Variants in SWSAP1 observed in about 807,000 individuals in gnomAD.
SWSAP1 encodes the protein ATPase SWSAP1.
Under a neutral mutation model 5.6 loss-of-function variants are expected in SWSAP1, and 4 were observed. The observed-to-expected ratio is 0.72, with a 90% CI of 0.35 to 1.64. The LOEUF is 1.64. SWSAP1 is among the 40% of genes most tolerant of loss of function. The probability of loss-of-function intolerance (pLI) is 0.05; values close to 1 mark genes in which losing one functional copy is unlikely to be tolerated. For synonymous variants in SWSAP1, 139 were observed against 143.3 expected (o/e 0.97, Z 0.22); for missense variants, 354 against 319.8 (o/e 1.11, Z -0.82).
chr19:11,375,889 G>C lies in SWSAP1; in HGVS notation c.626G>C (p.Gly209Ala). 2 of 1,614,112 alleles carry C rather than the reference G, an allele frequency of 1.2e-6. No homozygotes were observed. The highest frequency in any genetic ancestry group is 8.5e-7 in the Non-Finnish European group (1 of 1,180,014). Residue 209 changes from glycine (G) to alanine (A), a missense_variant, in exon 2 of 2, where the codon GGG becomes GCG. Coordinates refer to ENST00000674460, the MANE Select transcript of SWSAP1 (RefSeq NM_175871.4). The stretch of plus-strand genomic sequence containing the variant: ...CTCCGAGCCTGCCTGGAGCCAGGCG[G>C]GCTGGGCCCCAGAACAGAGTGGTGG... ...HGLRACLEPGGLGPRTEWWVT... is the reference protein window; with the variant it reads ...HGLRACLEPGALGPRTEWWVT...
At chr19:11,375,474 G>T in intron 1 of SWSAP1, 39 bp from the exon 2 acceptor site, 1 of 1,567,132 alleles carries the variant, frequency 6.4e-7, no homozygotes, top group Non-Finnish European at 8.6e-7. Context: ...CTGGCTTCCT[G>T]TGCTGAATCC....
intron 1 of SWSAP1, 94 bp downstream of exon 1, chr19:11,375,023 G>A (rs1331846622): frequency 1.8e-5 from 27 of 1,522,950 alleles, no homozygotes; most frequent in African/African-American, 2.8e-5. Flanking sequence ...GGAGAGGACG[G>A]TGGAAGAGCG....
Position 11,374,757 on chromosome 19 carries a change from G to A in SWSAP1, c.77G>A (p.Gly26Glu), listed in dbSNP as rs1968255428. Residue 26 changes from glycine to glutamate, a missense_variant, in exon 1 of 2, where the codon GGA (glycine) becomes GAA (glutamate). Gly to Glu is a moderately conservative substitution (Grantham distance 98). Coordinates refer to ENST00000674460, the MANE Select transcript of SWSAP1 (RefSeq NM_175871.4). Reference sequence around the variant, plus strand: ...GGGGAGGAGAACATGCCTGCCGCCGGACCGCCTTTGCTGCTGCTCGGTACA... The same window carrying A: ...GGGGAGGAGAACATGCCTGCCGCCGAACCGCCTTTGCTGCTGCTCGGTACA... The part of the protein sequence containing the change: ...WSGEENMPAA[G>E]PPLLLLGTPG... 5 of 1,610,756 alleles carry A rather than the reference G, an allele frequency of 3.1e-6. No individual in the cohort carries two copies. Among genetic ancestry groups the A allele is most frequent in the Middle Eastern group, 1.8e-4 (1 of 5,418 alleles).
In SWSAP1 at chr19:11,375,861, G is replaced by A; in HGVS notation, c.598G>A (p.Gly200Ser). 1.2e-6 allele frequency: 2 copies of A among 1,614,114 alleles called. No homozygotes were observed. ...AGATGCACCAGGTCCAGGAGAGCAC[G>A]GCCTCCGAGCCTGCCTGGAGCCAGG... ...QPDAPGPGEH[G>S]LRACLEPGGL... Residue 200 changes from glycine (G) to serine (S), a missense_variant, in exon 2 of 2, where the codon GGC becomes AGC. Transcript: ENST00000674460.
chr19:11,375,998 C>A lies in SWSAP1; in HGVS notation c.735C>A (p.Ser245Arg), dbSNP rs759562597. The change falls in exon 2 of 2, where the codon AGC (serine) becomes AGA (arginine). Residue 245 changes from serine (S) to arginine (R), a missense_variant. Transcript: ENST00000674460. The stretch of plus-strand genomic sequence containing the variant: ...ACCCCAGCTCAGGCAAGGGTTCAAG[C>A]TCTGGAGGCCAGCCCTGAGCTTTGG... ...AGDPSSGKGS[S>R]SGGQP 6.2e-7 allele frequency: 1 copy of A among 1,602,874 alleles called. No homozygotes were observed. The highest frequency in any genetic ancestry group is 1.7e-5 in the Admixed American group (1 of 59,294).
rs770611172 is a variant in SWSAP1, at chr19:11,374,848, C to G, written c.168C>G (p.Gly56=). ...TAGAGGCGGCGGGGGAGGGCCAAGG[C>G]CCAGTCCTCTTCCTGACACGAAGGC... ...AALEAAGEGQ[G]PVLFLTRRPL... is the part of the protein sequence containing the mutation. Residue 56 remains glycine (G), a synonymous_variant, in exon 1 of 2, where the codon GGC becomes GGG. Transcript: ENST00000674460. 6.2e-7 allele frequency: 1 copy of G among 1,613,968 alleles called. No homozygotes were observed. Among genetic ancestry groups the G allele is most frequent in the Admixed American group, 1.7e-5 (1 of 60,016 alleles).
chr19:11,375,001 A>G, intron 1 of SWSAP1, 72 bp downstream of exon 1: 2 of 1,576,582 alleles, frequency 1.3e-6, no homozygotes, highest in African/African-American at 2.7e-5. Context: ...AGTAACAGGT[A>G]GACAAGCCAA....
intron 1 of SWSAP1, 65 bp from the exon 2 acceptor site, chr19:11,375,448 G>T: frequency 6.5e-7 from 1 of 1,531,950 alleles, no homozygotes; most frequent in Non-Finnish European, 8.8e-7. Flanking sequence ...AGGAGGCAGG[G>T]TTACTTTTAA....
At chr19:11,375,089 A>T (rs1176403458) in intron 1 of SWSAP1, among the ~76,000 whole-genome samples, 160 bp downstream of exon 1, 1 of 152,146 alleles carries the variant, frequency 6.6e-6, no homozygotes, top group African/African-American at 2.4e-5. Flanking sequence ...GAGTGGCACC[A>T]CGCGGAGCTT....
Position 11,375,361 on chromosome 19 carries a change from G to A in SWSAP1, c.250-152G>A, listed in dbSNP as rs79628779. 155 of 1,385,420 alleles carry A rather than the reference G, an allele frequency of 1.1e-4. No individual in the cohort carries two copies. The East Asian group carries it at 3.1e-3, about 28-fold the overall frequency. 85.8% of individuals were successfully genotyped at this position (1,385,420 alleles called of 1,614,324 possible). A position where few individuals can be genotyped will look rare whatever the true frequency, so the allele number is the denominator to read the frequency against. ...CTCAACTAATACTCGGCAGTGATGA[G>A]TGCTGGAAAAACGGGCGAATATAAG... On this transcript the variant is annotated intron_variant, in intron 1 of 1. Transcript: ENST00000674460.
In SWSAP1 at chr19:11,375,789, C is replaced by T. The variant is rs1224126169; in HGVS notation, c.526C>T (p.Leu176=). The change falls in exon 2 of 2, where the codon CTG becomes TTG. Residue 176 remains leucine (L), a synonymous_variant. Coordinates refer to ENST00000674460, the MANE Select transcript of SWSAP1 (RefSeq NM_175871.4). ...EEAGSGDVLH[L]ALLQRYFPAQ... is the part of the protein sequence containing the mutation. ...AGCAGGTAGTGGGGACGTCCTGCAC[C>T]TGGCACTGCTCCAGCGGTATTTTCC... The T allele has an allele frequency of 2.5e-6, 4 of 1,614,204 alleles. No individual in the cohort carries two copies. In the South Asian group the frequency reaches 3.3e-5, roughly 13 times the overall value.
chr19:11,375,511 A>G lies in SWSAP1; in HGVS notation c.250-2A>G. ...GCCCTTTCCTTCTGTTTCTCCTTCT[A>G]GAAGATCCGCTTCCAGTACCCACCC... On this transcript the variant is annotated splice_acceptor_variant, in intron 1 of 1. Transcript: ENST00000674460. LOFTEE classifies it high-confidence loss of function. The G allele has an allele frequency of 6.2e-7, 1 of 1,601,440 alleles. No homozygotes were observed. Among genetic ancestry groups the G allele is most frequent in the East Asian group, 2.2e-5 (1 of 44,720 alleles).
chr19:11,375,075 T>G (rs1599414632), intron 1 of SWSAP1, 146 bp downstream of exon 1: 9 of 1,011,140 alleles, frequency 8.9e-6, no homozygotes, highest in Admixed American at 5.2e-5. Flanking sequence ...GCAGGCGGAG[T>G]GAGGAGTGGC....
rs764639513 is a variant in SWSAP1 at position 11,374,756 on chromosome 19, G to C, written c.76G>C (p.Gly26Arg). ...WSGEENMPAA[G>R]PPLLLLGTPG... is the part of the protein sequence containing the mutation. ...CGGGGAGGAGAACATGCCTGCCGCC[G>C]GACCGCCTTTGCTGCTGCTCGGTAC... The change falls in exon 1 of 2, where the codon GGA becomes CGA. Residue 26 changes from glycine to arginine, a missense_variant. Physicochemically the swap from Gly to Arg is moderately radical, Grantham distance 125. Coordinates refer to ENST00000674460, the MANE Select transcript of SWSAP1 (RefSeq NM_175871.4). 1 of 1,610,524 alleles carries C rather than the reference G, an allele frequency of 6.2e-7. No homozygotes were observed. Among genetic ancestry groups the C allele is most frequent in the Non-Finnish European group, 8.5e-7 (1 of 1,179,108 alleles).
Position 11,374,678 on chromosome 19 carries a change from C to G in SWSAP1, c.-3C>G. 1 of 1,514,738 alleles carries G rather than the reference C, an allele frequency of 6.6e-7. No individual in the cohort carries two copies. Among genetic ancestry groups the G allele is most frequent in the Non-Finnish European group, 8.8e-7 (1 of 1,132,326 alleles). 93.8% of individuals were successfully genotyped at this position (1,514,738 alleles called of 1,614,324 possible). On this transcript the variant is annotated 5_prime_UTR_variant, in exon 1 of 2. Coordinates refer to ENST00000674460, the MANE Select transcript of SWSAP1 (RefSeq NM_175871.4). ...CCACCGATTGGTCAGAGCTACGCGG[C>G]GAATGGCGGAGACGCTGAGGCGGGT...
At position 11,374,714 on chromosome 19, in the gene SWSAP1, G is replaced by A. The variant is rs200320719; in HGVS notation, c.34G>A (p.Gly12Ser). The change falls in exon 1 of 2, where the codon GGC (glycine) becomes AGC (serine). Residue 12 changes from glycine to serine, a missense_variant. Transcript: ENST00000674460. ...GACGCTGAGGCGGGTGCTAACCAGG[G>A]GCGGTGCGGCCTGGTCCGGGGAGGA... ...AETLRRVLTR[G>S]GAAWSGEENM... The A allele has an allele frequency of 2.4e-3, 3,733 of 1,584,618 alleles. 5 individuals carry two copies. The highest frequency in any genetic ancestry group is 2.7e-3 in the Non-Finnish European group (3,148 of 1,166,140).
At chr19:11,375,234 G>C (rs567398023) in intron 1 of SWSAP1, among the ~76,000 whole-genome samples, 1 of 152,310 alleles carries the variant, frequency 6.6e-6, no homozygotes, top group Admixed American at 6.5e-5. Context: ...GTTCCTGTTA[G>C]TGTCAAGGAT....
At position 11,374,744 on chromosome 19, in the gene SWSAP1, A is replaced by G. The variant is rs1239702717; in HGVS notation, c.64A>G (p.Met22Val). 2.5e-6 allele frequency: 4 copies of G among 1,609,132 alleles called. No homozygotes were observed. The highest frequency in any genetic ancestry group is 2.7e-5 in the African/African-American group (2 of 74,722). ...GGAAWSGEENMPAAGPPLLLL... is the reference protein window; with the variant it reads ...GGAAWSGEENVPAAGPPLLLL... Reference sequence around the variant, plus strand: ...TGCGGCCTGGTCCGGGGAGGAGAACATGCCTGCCGCCGGACCGCCTTTGCT... The same window carrying G: ...TGCGGCCTGGTCCGGGGAGGAGAACGTGCCTGCCGCCGGACCGCCTTTGCT... The change falls in exon 1 of 2, where the codon ATG becomes GTG. Residue 22 changes from methionine (M) to valine (V), a missense_variant. Transcript: ENST00000674460.
Position 11,375,841 on chromosome 19 carries a change from C to T in SWSAP1, c.578C>T (p.Ala193Val). ...GCCCAGTGCTGGCTGCAGCCAGATGCACCAGGTCCAGGAGAGCACGGCCTC... is the reference window on the plus strand; with the variant it reads ...GCCCAGTGCTGGCTGCAGCCAGATGTACCAGGTCCAGGAGAGCACGGCCTC... ...FPAQCWLQPDAPGPGEHGLRA... is the reference protein window; with the variant it reads ...FPAQCWLQPDVPGPGEHGLRA... The change falls in exon 2 of 2, where the codon GCA becomes GTA. Residue 193 changes from alanine to valine, a missense_variant. Physicochemically the swap from Ala to Val is moderately conservative, Grantham distance 64. Transcript: ENST00000674460. The T allele has an allele frequency of 1.2e-6, 2 of 1,614,146 alleles. No homozygotes were observed. Among genetic ancestry groups the T allele is most frequent in the Non-Finnish European group, 8.5e-7 (1 of 1,180,018 alleles).
Sources: gnomAD v4.1 joint callset for allele counts (sites outside exome capture counted in the v4.1 genomes callset) on GRCh38, gnomAD v4.1.1 for gene constraint, MANE v1.5 for transcripts, NCBI Gene and HGNC (gene_info 2026-07-23, HGNC 2026-07-21) for gene names.